Variants in CERS6 observed in about 807,000 individuals in gnomAD.
CERS6 encodes ceramide synthase 6.
CERS6 carries 26 observed loss-of-function variants against 56.8 expected under a neutral mutation model. The ratio of observed to expected loss-of-function variants is 0.46; its 90% CI spans 0.34 to 0.63. The LOEUF is 0.63. Among genes scored for constraint, CERS6 ranks in the 30% least tolerant of loss-of-function variants. CERS6 has a pLI of 0.01. For synonymous variants in CERS6, 164 were observed against 173.3 expected, an observed-to-expected ratio of 0.95 and a Z score of 0.42; for missense variants, 415 against 467.5, an observed-to-expected ratio of 0.89 and a Z score of 1.04.
rs188065603 is a variant in CERS6 at position 168,636,208 on chromosome 2, A to G, written c.465+5166A>G. 3.4e-3 allele frequency among the ~76,000 whole-genome samples: 522 copies of G among 152,332 alleles called. 4 individuals are homozygous for G. The highest frequency in any genetic ancestry group is 0.012 in the African/African-American group (496 of 41,574). On this transcript the variant is annotated intron_variant, in intron 4 of 9. Transcript: ENST00000305747. ...TCCCAAATTTCCCATTTCAGAAAACAAAAACCAATTTCAGAAAGATGAATT... is the reference window on the plus strand; with the variant it reads ...TCCCAAATTTCCCATTTCAGAAAACGAAAACCAATTTCAGAAAGATGAATT...
chr2:168,482,387 G>T (rs1042171361), intron 1 of CERS6, among the ~76,000 whole-genome samples: 1 of 152,212 alleles, frequency 6.6e-6, no homozygotes, highest in African/African-American at 2.4e-5. Context: ...GCTCTTGTGG[G>T]TTGTGTAGCC....
rs1304659568 is a variant in CERS6 at position 168,456,523 on chromosome 2, G to T, written c.75G>T (p.Lys25Asn). Residue 25 changes from lysine to asparagine, a missense_variant, in exon 1 of 10, where the codon AAG becomes AAT. Transcript: ENST00000305747. This position sits in a 1 kb window ranked among gnomAD's most constrained non-coding sequence, Gnocchi z 4.1. ...ACAATGTCACCTGGGCGGACCTGAA[G>T]AACACGGAGGAGGCCACCTTCCCGC... ...LPHNVTWADLKNTEEATFPQA... is the reference protein window; with the variant it reads ...LPHNVTWADLNNTEEATFPQA... The T allele has an allele frequency of 6.2e-7, 1 of 1,614,102 alleles. No individual in the cohort carries two copies. The highest frequency in any genetic ancestry group is 8.5e-7 in the Non-Finnish European group (1 of 1,179,944).
At chr2:168,482,537 T>A (rs1694195505) in intron 1 of CERS6, among the ~76,000 whole-genome samples, 1 of 152,268 alleles carries the variant, frequency 6.6e-6, no homozygotes, top group African/African-American at 2.4e-5. Flanking sequence ...GCTTCTGTTC[T>A]GCTGTAGTGC....
At chr2:168,464,165 T>G (rs1347529919) in intron 1 of CERS6, among the ~76,000 whole-genome samples, 1 of 138,226 alleles carries the variant, frequency 7.2e-6, no homozygotes, top group Non-Finnish European at 1.5e-5. Context: ...GGTCACATAT[T>G]TATACTTTTT....
intron 1 of CERS6, among the ~76,000 whole-genome samples, chr2:168,461,336 G>C (rs1573997762): frequency 6.6e-6 from 1 of 152,064 alleles, no homozygotes; most frequent in African/African-American, 2.4e-5. Context: ...GGCAAGAGTG[G>C]GCTTCAGGCC....
intron 3 of CERS6, among the ~76,000 whole-genome samples, chr2:168,624,566 T>C (rs1574108469): frequency 6.6e-6 from 1 of 152,094 alleles, no homozygotes; most frequent in Non-Finnish European, 1.5e-5. Flanking sequence ...TAAGTACCCA[T>C]GAAATGCCAG....
intron 1 of CERS6, among the ~76,000 whole-genome samples, chr2:168,499,825 A>T (rs1195407621): frequency 6.6e-6 from 1 of 152,160 alleles, no homozygotes. Context: ...CGTAACCGGG[A>T]ACTGCTATAC....
At chr2:168,765,089 G>A (rs562301350) in intron 8 of CERS6, among the ~76,000 whole-genome samples, 2 of 152,310 alleles carry the variant, frequency 1.3e-5, no homozygotes, top group African/African-American at 4.8e-5. Flanking sequence ...GATGAAACAA[G>A]CCTGTCACAA....
intron 8 of CERS6, among the ~76,000 whole-genome samples, chr2:168,734,742 AAAAC>A (rs1683661830): frequency 6.6e-6 from 1 of 152,242 alleles, no homozygotes; most frequent in African/African-American, 2.4e-5. Flanking sequence ...CAATGGGACA[AAAAC>A]AAAAGCAACT....
At chr2:168,487,435 G>A (rs1301064439) in intron 1 of CERS6, among the ~76,000 whole-genome samples, 1 of 152,068 alleles carries the variant, frequency 6.6e-6, no homozygotes, top group African/African-American at 2.4e-5. Flanking sequence ...AGAATATTTG[G>A]GTCAAAATAT....
intron 2 of CERS6, among the ~76,000 whole-genome samples, chr2:168,552,347 T>A (rs1695587550): frequency 1.6e-5 from 1 of 62,946 alleles, no homozygotes; most frequent in Admixed American, 1.9e-4. Flanking sequence ...ACATACAGAG[T>A]ATACACACAC....
At position 168,630,910 on chromosome 2, in the gene CERS6, C is replaced by T. The variant is rs1684699702; in HGVS notation, c.408-75C>T. 8 of 633,210 alleles carry T rather than the reference C, an allele frequency of 1.3e-5. No individual in the cohort carries two copies. In the South Asian group the frequency reaches 1.5e-4, roughly 12 times the overall value. The allele number at this position is 633,210 out of a possible 1,614,324, so 39.2% of individuals were successfully genotyped here. On this transcript the variant is annotated intron_variant, in intron 3 of 9. Coordinates refer to ENST00000305747, the MANE Select transcript of CERS6 (RefSeq NM_203463.3). ...AAATTTAATTTAATGAACTCTTTTC[C>T]CTCCCTTACATATTTCAGTATATGC...
intron 4 of CERS6, among the ~76,000 whole-genome samples, chr2:168,675,033 T>C (rs1457204962): frequency 6.6e-6 from 1 of 152,020 alleles, no homozygotes; most frequent in Non-Finnish European, 1.5e-5. Flanking sequence ...TGGAGTGCAG[T>C]GGCGTAATCG....
At chr2:168,489,059 G>T (rs769657943) in intron 1 of CERS6, among the ~76,000 whole-genome samples, 2 of 152,072 alleles carry the variant, frequency 1.3e-5, no homozygotes, top group East Asian at 1.9e-4. Context: ...CCTGAAGCAC[G>T]CTCCTTAGCT....
intron 4 of CERS6, among the ~76,000 whole-genome samples, chr2:168,656,112 C>T (rs527785786): frequency 2.6e-5 from 4 of 152,106 alleles, no homozygotes; most frequent in Non-Finnish European, 5.9e-5. Flanking sequence ...CTAAATAGGT[C>T]CTAGAGGGTT....
At chr2:168,649,270 GAGAGGT>G (rs112349927) in intron 4 of CERS6, among the ~76,000 whole-genome samples, 4,090 of 152,206 alleles carry the variant, frequency 0.027, 176 homozygotes, top group African/African-American at 0.089. Flanking sequence ...AACAGTCTCA[GAGAGGT>G]TATGTAACCT....
intron 1 of CERS6, among the ~76,000 whole-genome samples, chr2:168,496,706 T>C: frequency 6.6e-6 from 1 of 152,230 alleles, no homozygotes; most frequent in South Asian, 2.1e-4. Context: ...AGAGTACTTA[T>C]ATTATGTTGC....
At chr2:168,634,085 C>T (rs1273060776) in intron 4 of CERS6, among the ~76,000 whole-genome samples, 1 of 152,100 alleles carries the variant, frequency 6.6e-6, no homozygotes, top group African/African-American at 2.4e-5. Context: ...CCTATTCTAC[C>T]CTAAAAAATA....
chr2:168,571,796 G>A (rs958584270), intron 3 of CERS6, among the ~76,000 whole-genome samples: 6 of 152,090 alleles, frequency 3.9e-5, no homozygotes, highest in East Asian at 1.9e-4. Context: ...CACCTCAAGC[G>A]TTTATCCTTT....
Sources: allele counts gnomAD v4.1 joint callset (sites outside exome capture counted in the v4.1 genomes callset), GRCh38; gene constraint gnomAD v4.1.1; non-coding constraint Gnocchi (gnomAD v3.1); transcripts MANE v1.5; gene names NCBI Gene and HGNC (gene_info 2026-07-23, HGNC 2026-07-21).